The following SLC7A1 variants were observed in gnomAD, a reference collection of about 807,000 sequenced individuals.
The protein encoded by SLC7A1 is high affinity cationic amino acid transporter 1.
In SLC7A1, 10 loss-of-function variants were observed where a neutral mutation model predicts 53.9. That is an observed-to-expected ratio of 0.19 (90% CI 0.11 to 0.31). The LOEUF (loss-of-function observed/expected upper bound fraction) is 0.31. Among genes scored for constraint, SLC7A1 ranks in the 10% least tolerant of loss-of-function variants. The pLI is 1.00. For missense variants in SLC7A1, 525 were observed against 827.2 expected (o/e 0.63, Z 4.48); for synonymous variants, 342 against 338.7 (o/e 1.01, Z -0.11).
Position 29,544,871 on chromosome 13 carries a change from G to GC in SLC7A1, c.-14-8670_-14-8669insG, listed in dbSNP as rs939748270. On this transcript the variant is annotated intron_variant, in intron 2 of 12. Coordinates refer to ENST00000380752, the MANE Select transcript of SLC7A1 (RefSeq NM_003045.5). ...GTGACATCGCACCTGCCTCATCGGGGGGGGGGGGCAAGCTCTTCCCACTGA... is the reference window on the plus strand; with the variant it reads ...GTGACATCGCACCTGCCTCATCGGGGCGGGGGGGGCAAGCTCTTCCCACTGA... Among the ~76,000 whole-genome samples the GC allele has an allele frequency of 3.6e-4, 55 of 151,082 alleles. 4 individuals carry two copies. Among genetic ancestry groups the GC allele is most frequent in the East Asian group, 2.5e-3 (13 of 5,128 alleles).
At chr13:29,523,088 A>C (rs142532138) in intron 7 of SLC7A1, among the ~76,000 whole-genome samples, 178 bp downstream of exon 7, 266 of 152,148 alleles carry the variant, frequency 1.7e-3, no homozygotes, top group African/African-American at 6.0e-3. Flanking sequence ...GATGATGAAT[A>C]CTGGCCAACA....
intron 1 of SLC7A1, among the ~76,000 whole-genome samples, chr13:29,561,379 T>C (rs1870747424): frequency 6.6e-6 from 1 of 152,120 alleles, no homozygotes; most frequent in Non-Finnish European, 1.5e-5. Context: ...GGGAGAACTC[T>C]GTGAAGTCAA....
intron 2 of SLC7A1, among the ~76,000 whole-genome samples, chr13:29,546,383 C>T (rs1869924455): frequency 6.6e-6 from 1 of 152,184 alleles, no homozygotes; most frequent in African/African-American, 2.4e-5. Context: ...AAGATTAGAA[C>T]ACTGGCACTT....
At chr13:29,517,839 G>T in intron 9 of SLC7A1, 49 bp from the exon 10 acceptor site, 2 of 1,465,432 alleles carry the variant, frequency 1.4e-6, no homozygotes, top group South Asian at 1.1e-5. Flanking sequence ...CAAGCAAAAT[G>T]ACGTGCACCA....
intron 1 of SLC7A1, among the ~76,000 whole-genome samples, chr13:29,593,895 C>T (rs1303702901): frequency 1.3e-5 from 2 of 152,180 alleles, no homozygotes; most frequent in South Asian, 4.1e-4. Context: ...ACTCCTTTGA[C>T]ATCCTTTGAA....
chr13:29,575,660 C>A (rs913936768), intron 1 of SLC7A1, among the ~76,000 whole-genome samples: 1 of 152,116 alleles, frequency 6.6e-6, no homozygotes, highest in Non-Finnish European at 1.5e-5. Context: ...TAACAGTGAG[C>A]CTAAAAGTAA....
chr13:29,521,714 A>G (rs751224999), intron 8 of SLC7A1, among the ~76,000 whole-genome samples: 14 of 152,128 alleles, frequency 9.2e-5, no homozygotes, highest in Non-Finnish European at 1.3e-4. Context: ...GAACACCTAC[A>G]CGGCTCAGAT....
rs758450860 is a variant in SLC7A1 at position 29,522,376 on chromosome 13, T to C, written c.1130A>G (p.Asn377Ser). The C allele has an allele frequency of 6.2e-7, 1 of 1,614,214 alleles. No homozygotes were observed. The highest frequency in any genetic ancestry group is 8.5e-7 in the Non-Finnish European group (1 of 1,180,030). Residue 377 changes from asparagine (N) to serine (S), a missense_variant, in exon 8 of 13, where the codon AAC becomes AGC. This residue lies in a region of SLC7A1 where 354 missense variants were observed against 587.5 expected (regional missense o/e 0.60). Coordinates refer to ENST00000380752, the MANE Select transcript of SLC7A1 (RefSeq NM_003045.5). ...EDGLLFKFLA[N>S]VNDRTKTPII... ...TGGTGTTTTGGTCCTATCATTGACG[T>C]TGGCTAAGAATTTAAATAGCAGTCC...
chr13:29,510,609 C>G lies in SLC7A1; in HGVS notation c.*3871G>C, dbSNP rs1041543590. On this transcript the variant is annotated 3_prime_UTR_variant, in exon 13 of 13. Transcript: ENST00000380752. ...ATATAAGCCTCACGCCCCCACCACC[C>G]TGCAATTTCCCCGTCCTCGGAACTG... 6.6e-6 allele frequency: 1 copy of G among 152,324 alleles called. No individual in the cohort carries two copies. Among genetic ancestry groups the G allele is most frequent in the Non-Finnish European group, 1.5e-5 (1 of 68,080 alleles). The allele number at this position is 152,324 out of a possible 1,614,324, so 9.4% of individuals were successfully genotyped here. A position where few individuals can be genotyped will look rare whatever the true frequency, so the allele number is the denominator to read the frequency against.
intron 1 of SLC7A1, among the ~76,000 whole-genome samples, chr13:29,588,425 G>A (rs1348093377): frequency 6.6e-6 from 1 of 152,090 alleles, no homozygotes; most frequent in African/African-American, 2.4e-5. Flanking sequence ...AATAGAAGGA[G>A]GCAAAACATA....
At chr13:29,587,894 C>G (rs958158242) in intron 1 of SLC7A1, among the ~76,000 whole-genome samples, 6 of 152,134 alleles carry the variant, frequency 3.9e-5, no homozygotes, top group African/African-American at 7.2e-5. Context: ...GGAGGGATCA[C>G]GAGTCTGTGT....
In SLC7A1 at chr13:29,555,672, G is replaced by A. The variant is rs1320603485; in HGVS notation, c.-114-1812C>T. Among the ~76,000 whole-genome samples, 5 of 151,058 alleles carry A rather than the reference G, an allele frequency of 3.3e-5. No individual in the cohort carries two copies. In the South Asian group the frequency reaches 8.4e-4, roughly 25 times the overall value. On this transcript the variant is annotated intron_variant, in intron 1 of 12. Coordinates refer to ENST00000380752, the MANE Select transcript of SLC7A1 (RefSeq NM_003045.5). ...AAAAGTTAACTCTGGAAAAAAAAAG[G>A]GGGGGCGGGCAGAATCTAGAAGGGA...
intron 5 of SLC7A1, among the ~76,000 whole-genome samples, chr13:29,526,376 G>A (rs574140031): frequency 1.3e-5 from 2 of 152,240 alleles, no homozygotes; most frequent in Admixed American, 6.5e-5. Context: ...GGAAACTGAG[G>A]CAAGAGGATT....
chr13:29,518,208 G>T (rs1237620188), intron 9 of SLC7A1, among the ~76,000 whole-genome samples: 4 of 152,224 alleles, frequency 2.6e-5, no homozygotes, highest in Non-Finnish European at 5.9e-5. Context: ...GAGAGCCAGA[G>T]AAATGTGGCT....
At chr13:29,547,893 C>T (rs1030216762) in intron 2 of SLC7A1, among the ~76,000 whole-genome samples, 3 of 152,226 alleles carry the variant, frequency 2.0e-5, no homozygotes, top group Non-Finnish European at 2.9e-5. Context: ...GAGGAAACTC[C>T]ACTACCTGCA....
chr13:29,553,241 G>C (rs1870282839), intron 2 of SLC7A1, among the ~76,000 whole-genome samples: 2 of 152,238 alleles, frequency 1.3e-5, no homozygotes, highest in Admixed American at 1.3e-4. Flanking sequence ...AAGAAAACTG[G>C]AAGCAGCCCT....
At chr13:29,532,420 G>A (rs571011001) in intron 4 of SLC7A1, among the ~76,000 whole-genome samples, 9 of 152,268 alleles carry the variant, frequency 5.9e-5, no homozygotes, top group African/African-American at 1.2e-4. Context: ...TGTTCCAGAC[G>A]GAGCTCATTC....
chr13:29,529,016 G>A (rs781610322), intron 5 of SLC7A1, among the ~76,000 whole-genome samples: 4 of 152,132 alleles, frequency 2.6e-5, no homozygotes, highest in Admixed American at 6.5e-5. Context: ...GCAACCGGTC[G>A]AATATGCTCT....
intron 1 of SLC7A1, among the ~76,000 whole-genome samples, chr13:29,577,930 C>T (rs771217893): frequency 1.3e-5 from 2 of 152,158 alleles, no homozygotes; most frequent in Non-Finnish European, 2.9e-5. Flanking sequence ...CTCCTCCACT[C>T]CCTCTGCTTG....
Sources: allele counts gnomAD v4.1 joint callset (sites outside exome capture counted in the v4.1 genomes callset), GRCh38; gene constraint gnomAD v4.1.1; regional missense constraint gnomAD v4.1.1; transcripts MANE v1.5; gene names NCBI Gene and HGNC (gene_info 2026-07-23, HGNC 2026-07-21).